The following MBNL1 variants were observed in gnomAD, a reference collection of about 807,000 sequenced individuals.
The protein encoded by MBNL1 is muscleblind-like protein 1.
Under a neutral mutation model 42.2 loss-of-function variants are expected in MBNL1, and 8 were observed. That is an observed-to-expected ratio of 0.19 (90% CI 0.11 to 0.34). The LOEUF (loss-of-function observed/expected upper bound fraction) is 0.34. Among genes scored for constraint, MBNL1 ranks in the 10% least tolerant of loss-of-function variants. The pLI, the probability that MBNL1 is intolerant of heterozygous loss-of-function variation, is 1.00. For missense variants in MBNL1, 309 were observed against 495.3 expected, an observed-to-expected ratio of 0.62 and a Z score of 3.57; for synonymous variants, 169 against 173.9, an observed-to-expected ratio of 0.97 and a Z score of 0.22.
chr3:152,396,104 G>A (rs572538034), intron 2 of MBNL1: 1 of 267,062 alleles, frequency 3.7e-6, no homozygotes, highest in South Asian at 3.8e-5. Flanking sequence ...GGGGATCTAG[G>A]TTGGAGACGC....
At chr3:152,455,604 A>G in intron 7 of MBNL1, 27 bp downstream of exon 7, 1 of 1,609,052 alleles carries the variant, frequency 6.2e-7, no homozygotes, top group Non-Finnish European at 8.5e-7. Context: ...TTTCTTGATT[A>G]TCTTAAACCT....
intron 6 of MBNL1, among the ~76,000 whole-genome samples, chr3:152,455,035 T>A (rs1730847057): frequency 6.6e-6 from 1 of 152,180 alleles, no homozygotes; most frequent in Admixed American, 6.5e-5. Context: ...GCAAAAGGAA[T>A]GAAAATGAAT....
At chr3:152,382,647 T>C (rs2097227894) in intron 2 of MBNL1, among the ~76,000 whole-genome samples, 1 of 152,160 alleles carries the variant, frequency 6.6e-6, no homozygotes, top group Non-Finnish European at 1.5e-5. Context: ...TTTAATACTT[T>C]TCCAGTTTGA....
chr3:152,287,549 A>G (rs1339102450), intron 1 of MBNL1, among the ~76,000 whole-genome samples: 2 of 152,158 alleles, frequency 1.3e-5, no homozygotes, highest in Non-Finnish European at 2.9e-5. Flanking sequence ...GAAAACATAG[A>G]TTCCTGGTTT....
chr3:152,301,887 A>G (rs992257922), intron 2 of MBNL1: 20 of 152,288 alleles, frequency 1.3e-4, no homozygotes, highest in African/African-American at 4.1e-4. Context: ...TTTTGACCCA[A>G]TTAATAGTAA....
chr3:152,276,205 T>C (rs1047571626), intron 1 of MBNL1, among the ~76,000 whole-genome samples: 7 of 152,300 alleles, frequency 4.6e-5, no homozygotes, highest in Admixed American at 3.3e-4. Flanking sequence ...CCACTGATTA[T>C]ATATAAAGAA....
At position 152,463,723 on chromosome 3, in the gene MBNL1, G is replaced by A. The variant is rs1748810875; in HGVS notation, c.*1357G>A. 6.6e-6 allele frequency: 1 copy of A among 152,364 alleles called. No homozygotes were observed. 9.4% of individuals were successfully genotyped at this position (152,364 alleles called of 1,614,324 possible). A position where few individuals can be genotyped will look rare whatever the true frequency, so the allele number is the denominator to read the frequency against. On this transcript the variant is annotated 3_prime_UTR_variant, in exon 10 of 10. Transcript: ENST00000324210. Reference sequence around the variant, plus strand: ...AAATAGATGTGCATTCAGTTTTTAAGAATGGAATCATCCAAAGGAATTCCT... The same window carrying A: ...AAATAGATGTGCATTCAGTTTTTAAAAATGGAATCATCCAAAGGAATTCCT...
chr3:152,277,704 C>A (rs995465398), intron 1 of MBNL1, among the ~76,000 whole-genome samples: 15 of 152,086 alleles, frequency 9.9e-5, no homozygotes, highest in South Asian at 2.1e-4. Flanking sequence ...AAGCTTTTTA[C>A]AAATAAATGG....
At chr3:152,403,105 G>A (rs1262610815) in intron 2 of MBNL1, among the ~76,000 whole-genome samples, 1 of 151,882 alleles carries the variant, frequency 6.6e-6, no homozygotes, top group Non-Finnish European at 1.5e-5. Flanking sequence ...GCAGATCCAG[G>A]CTTTCAGCCT....
At chr3:152,285,196 A>T (rs570905458) in intron 1 of MBNL1, among the ~76,000 whole-genome samples, 1 of 152,166 alleles carries the variant, frequency 6.6e-6, no homozygotes, top group Non-Finnish European at 1.5e-5. Flanking sequence ...GGTACCTCCA[A>T]TAAATCCCAC....
At chr3:152,337,986 G>A (rs1321010167) in intron 2 of MBNL1, 13 of 653,866 alleles carry the variant, frequency 2.0e-5, no homozygotes, top group Non-Finnish European at 2.4e-5. Context: ...TCAGCACCCT[G>A]GGATTTTTTT....
At chr3:152,455,413 T>C in intron 6 of MBNL1, 129 bp from the exon 7 acceptor site, 1 of 731,646 alleles carries the variant, frequency 1.4e-6, no homozygotes, top group East Asian at 2.5e-5. Flanking sequence ...GACAGTTACA[T>C]GCCACTGTTC....
chr3:152,318,329 G>A (rs923343018), intron 2 of MBNL1, among the ~76,000 whole-genome samples: 2 of 152,072 alleles, frequency 1.3e-5, no homozygotes, highest in Admixed American at 6.6e-5. Context: ...ACTTAAAACG[G>A]ATACTGCTTA....
chr3:152,365,144 T>C (rs1234774538), intron 2 of MBNL1, among the ~76,000 whole-genome samples: 1 of 152,154 alleles, frequency 6.6e-6, no homozygotes, highest in Admixed American at 6.6e-5. Context: ...AGTCATATCT[T>C]TATTGAATTT....
At chr3:152,328,546 T>C (rs1019777156) in intron 2 of MBNL1, among the ~76,000 whole-genome samples, 4 of 152,184 alleles carry the variant, frequency 2.6e-5, no homozygotes, top group Admixed American at 6.5e-5. Flanking sequence ...ATTGTTGACA[T>C]ATAATTAAAA....
At chr3:152,338,528 C>A (rs1021360953) in intron 2 of MBNL1, 3 of 985,278 alleles carry the variant, frequency 3.0e-6, no homozygotes, top group Non-Finnish European at 3.6e-6. Flanking sequence ...AACCCTGAAA[C>A]TTTCCTAGCC....
At chr3:152,442,834 C>G (rs1009110149) in intron 4 of MBNL1, among the ~76,000 whole-genome samples, 1 of 152,200 alleles carries the variant, frequency 6.6e-6, no homozygotes, top group African/African-American at 2.4e-5. Context: ...TCCCACTGGC[C>G]TGTAACTCTC....
intron 2 of MBNL1, among the ~76,000 whole-genome samples, chr3:152,360,338 C>G (rs2153111866): frequency 1.3e-5 from 2 of 152,192 alleles, no homozygotes; most frequent in Middle Eastern, 6.8e-3. Context: ...TTAATGATAG[C>G]TGAAAATCAT....
At chr3:152,412,877 G>A (rs957119387) in intron 2 of MBNL1, among the ~76,000 whole-genome samples, 3 of 152,258 alleles carry the variant, frequency 2.0e-5, no homozygotes, top group South Asian at 2.1e-4. Context: ...GTGAATTCTC[G>A]TGGTGACCAT....
Sources: gnomAD v4.1 joint callset for allele counts (sites outside exome capture counted in the v4.1 genomes callset) on GRCh38, gnomAD v4.1.1 for gene constraint, MANE v1.5 for transcripts, NCBI Gene and HGNC (gene_info 2026-07-23, HGNC 2026-07-21) for gene names.